SRRM4: variants seen among roughly 807,000 people sequenced by gnomAD.
SRRM4 encodes serine/arginine repetitive matrix protein 4.
SRRM4 carries 33 observed loss-of-function variants against 68.9 expected under a neutral mutation model. That is an observed-to-expected ratio of 0.48 (90% CI 0.36 to 0.64). SRRM4 has a LOEUF of 0.64. Ranked by LOEUF, SRRM4 falls within the 30% of genes least tolerant of loss-of-function variation. SRRM4 has a pLI of 0.00. For missense variants in SRRM4, 817 were observed against 827.1 expected, an observed-to-expected ratio of 0.99 and a Z score of 0.15; for synonymous variants, 318 against 318.8, an observed-to-expected ratio of 1.00 and a Z score of 0.03.
intron 4 of SRRM4, among the ~76,000 whole-genome samples, chr12:119,117,322 G>A (rs1486144458): frequency 2.6e-5 from 4 of 152,242 alleles, no homozygotes; most frequent in East Asian, 1.9e-4. Context: ...TGAAGTGCCC[G>A]CTGTCTCCTG....
At chr12:119,021,181 A>C (rs1381705251) in intron 1 of SRRM4, among the ~76,000 whole-genome samples, 1 of 152,170 alleles carries the variant, frequency 6.6e-6, no homozygotes, top group African/African-American at 2.4e-5. Context: ...TCTGTTTTGC[A>C]ATCTGGTAGA....
chr12:119,151,171 A>G lies in SRRM4; in HGVS notation c.1231A>G (p.Arg411Gly). The part of the protein sequence containing the change: ...SSHSSRSPNP[R>G]ASPRYTQSRS... ...TCACTCGTCCCGATCCCCAAATCCC[A>G]GGGCTTCCCCCAGGTACACCCAAAG... is the stretch of plus-strand genomic sequence containing the variant. Residue 411 changes from arginine to glycine, a missense_variant, in exon 10 of 13, where the codon AGG becomes GGG. Arg to Gly is a moderately radical substitution (Grantham distance 125). Coordinates refer to ENST00000267260, the MANE Select transcript of SRRM4 (RefSeq NM_194286.4). 6.2e-7 allele frequency: 1 copy of G among 1,613,970 alleles called. No individual in the cohort carries two copies. Among genetic ancestry groups the G allele is most frequent in the Non-Finnish European group, 8.5e-7 (1 of 1,179,882 alleles).
intron 1 of SRRM4, among the ~76,000 whole-genome samples, chr12:119,007,823 G>C (rs1953425029): frequency 6.6e-6 from 1 of 152,168 alleles, no homozygotes; most frequent in African/African-American, 2.4e-5. Context: ...GAGGGGCTCA[G>C]ACGAGTGTTG....
chr12:119,154,482 G>A lies in SRRM4; in HGVS notation c.1532+99G>A, dbSNP rs1954460395. ...GCTCTCCCTAGGCCTCCTTGGGGCT[G>A]GGATTTAGGATTGTGCGAGCTTATG... On this transcript the variant is annotated intron_variant, in intron 12 of 12. Coordinates refer to ENST00000267260, the MANE Select transcript of SRRM4 (RefSeq NM_194286.4). The surrounding 1 kb of genome is among the most constrained non-coding windows in gnomAD (Gnocchi z 4.7). 1.4e-6 allele frequency: 2 copies of A among 1,393,708 alleles called. No homozygotes were observed. The highest frequency in any genetic ancestry group is 2.0e-6 in the Non-Finnish European group (2 of 1,015,146). The allele number at this position is 1,393,708 out of a possible 1,614,324, so 86.3% of individuals were successfully genotyped here.
chr12:119,133,062 G>T (rs569026445), intron 8 of SRRM4: 16 of 152,234 alleles, frequency 1.1e-4, no homozygotes, highest in African/African-American at 2.6e-4. Flanking sequence ...ATAATATGAT[G>T]ACAACATTCC....
At chr12:119,130,198 G>T (rs1449203892) in intron 7 of SRRM4, among the ~76,000 whole-genome samples, 2 of 149,018 alleles carry the variant, frequency 1.3e-5, no homozygotes, top group Admixed American at 1.4e-4. Flanking sequence ...ATGGATAGAT[G>T]GTTGCTTAGA....
intron 1 of SRRM4, among the ~76,000 whole-genome samples, chr12:118,983,684 A>C (rs974414804): frequency 2.0e-5 from 3 of 152,228 alleles, no homozygotes; most frequent in Non-Finnish European, 2.9e-5. Flanking sequence ...AGGGAGAGGA[A>C]AGCGGATTCT....
chr12:119,078,691 A>G (rs1228653634), intron 1 of SRRM4, among the ~76,000 whole-genome samples: 1 of 152,188 alleles, frequency 6.6e-6, no homozygotes, highest in Non-Finnish European at 1.5e-5. Flanking sequence ...AGGCCAAGGC[A>G]GGAGGATTGC....
chr12:119,134,923 G>A (rs1304247776), intron 8 of SRRM4, among the ~76,000 whole-genome samples: 1 of 152,152 alleles, frequency 6.6e-6, no homozygotes, highest in East Asian at 1.9e-4. Context: ...ATTGTTGATG[G>A]ACAGAAGGAG....
At position 119,145,519 on chromosome 12, in the gene SRRM4, T is replaced by A. The variant is rs763454738; in HGVS notation, c.910T>A (p.Ser304Thr). The change falls in exon 9 of 13, where the codon TCT becomes ACT. Residue 304 changes from serine to threonine, a missense_variant. By Grantham distance (58) the Ser-to-Thr change is moderately conservative (BLOSUM62 1). Coordinates refer to ENST00000267260, the MANE Select transcript of SRRM4 (RefSeq NM_194286.4). Reference protein sequence around the residue: ...PPSTQTSSARSRGQEKGSPSG... With the variant: ...PPSTQTSSARTRGQEKGSPSG... ...CTCCACGCAAACCAGCTCAGCCAGG[T>A]CTCGGGGCCAGGAGAAGGGGAGCCC... 2 of 1,608,412 alleles carry A rather than the reference T, an allele frequency of 1.2e-6. No homozygotes were observed. The highest frequency in any genetic ancestry group is 1.7e-6 in the Non-Finnish European group (2 of 1,176,788).
chr12:119,053,287 A>G (rs1226717765), intron 1 of SRRM4, among the ~76,000 whole-genome samples: 1 of 152,224 alleles, frequency 6.6e-6, no homozygotes, highest in Non-Finnish European at 1.5e-5. Context: ...TACAATTGTA[A>G]TATGAAGTTT....
At chr12:119,074,104 G>C (rs1953894545) in intron 1 of SRRM4, among the ~76,000 whole-genome samples, 2 of 152,070 alleles carry the variant, frequency 1.3e-5, no homozygotes, top group African/African-American at 4.8e-5. Flanking sequence ...GCAAGGGGTG[G>C]CAGTTTCAGA....
chr12:119,122,014 G>GT (rs1954222572), intron 5 of SRRM4, 56 bp from the exon 6 acceptor site: 2 of 1,166,472 alleles, frequency 1.7e-6, no homozygotes, highest in Admixed American at 1.7e-5. Context: ...TTAACTACTT[G>GT]TTTATCTTTA....
chr12:119,146,664 C>T (rs1043655051), intron 9 of SRRM4, among the ~76,000 whole-genome samples: 5 of 148,052 alleles, frequency 3.4e-5, no homozygotes, highest in African/African-American at 5.0e-5. Context: ...AGGCCAGGTG[C>T]GGTGGCTCAC....
intron 8 of SRRM4, among the ~76,000 whole-genome samples, chr12:119,140,972 T>A (rs77986311): frequency 6.6e-6 from 1 of 151,996 alleles, no homozygotes; most frequent in Non-Finnish European, 1.5e-5. Flanking sequence ...AAGAGAATAA[T>A]TTTTTTTGGC....
intron 1 of SRRM4, among the ~76,000 whole-genome samples, chr12:118,986,893 T>C (rs1953285748): frequency 6.6e-6 from 1 of 151,830 alleles, no homozygotes; most frequent in African/African-American, 2.4e-5. Context: ...AGAAGAGCAA[T>C]ACATTAAAAA....
chr12:119,048,960 T>A (rs139743288), intron 1 of SRRM4, among the ~76,000 whole-genome samples: 67 of 152,278 alleles, frequency 4.4e-4, no homozygotes, highest in Non-Finnish European at 8.1e-4. Context: ...CAAGAAGTTG[T>A]GAGGACAGAT....
chr12:119,078,632 C>G (rs60235511), intron 1 of SRRM4, among the ~76,000 whole-genome samples: 45,047 of 152,080 alleles, frequency 0.3, 7,186 homozygotes, highest in East Asian at 0.43. Context: ...TTCCACAAAG[C>G]CTTTAAGCTG....
At chr12:119,074,727 C>T (rs1027078184) in intron 1 of SRRM4, among the ~76,000 whole-genome samples, 7 of 151,988 alleles carry the variant, frequency 4.6e-5, no homozygotes, top group African/African-American at 1.5e-4. Flanking sequence ...ATTTTTTAAA[C>T]CACCACACCC....
Sources: allele counts gnomAD v4.1 joint callset (sites outside exome capture counted in the v4.1 genomes callset), GRCh38; gene constraint gnomAD v4.1.1; non-coding constraint Gnocchi (gnomAD v3.1); transcripts MANE v1.5; gene names NCBI Gene and HGNC (gene_info 2026-07-23, HGNC 2026-07-21).